The following MUC17 variants were observed in gnomAD, a reference collection of about 807,000 sequenced individuals.
The protein encoded by MUC17 is mucin 17, cell surface associated.
MUC17 carries 190 observed loss-of-function variants against 170.3 expected under a neutral mutation model. That is an observed-to-expected ratio of 1.12 (90% CI 0.99 to 1.26). The LOEUF (loss-of-function observed/expected upper bound fraction) is 1.26, where lower values mean the gene tolerates loss of function less well. MUC17 is among the 50% of genes most tolerant of loss of function. MUC17 has a pLI of 0.00. For missense variants in MUC17, 6,415 were observed against 5,530.0 expected (o/e 1.16, Z -5.08); for synonymous variants, 2,325 against 2,002.5 (o/e 1.16, Z -4.30).
Position 101,040,713 on chromosome 7 carries a change from T to A in MUC17, c.9297T>A (p.Thr3099=). Residue 3099 remains threonine, a synonymous_variant, in exon 3 of 13, where the codon ACT becomes ACA. Transcript: ENST00000306151. ...PAEGTSMPIS[T]YSEGSTPLTG... ...AAGGTACCAGCATGCCAATCTCAAC[T>A]TATAGTGAAGGAAGCACTCCATTAA... The A allele has an allele frequency of 1.9e-6, 3 of 1,613,110 alleles. 1 individual carries two copies. In the South Asian group the frequency reaches 3.3e-5, roughly 18 times the overall value.
chr7:101,031,070 T>C, intron 1 of MUC17, 50 bp from the exon 2 acceptor site: 3 of 1,565,846 alleles, frequency 1.9e-6, no homozygotes, highest in Non-Finnish European at 2.6e-6. Flanking sequence ...TTCAAGAGAA[T>C]GAAGGAAGAT....
At chr7:101,024,778 T>G (rs1026320278) in intron 1 of MUC17, among the ~76,000 whole-genome samples, 6 of 146,492 alleles carry the variant, frequency 4.1e-5, no homozygotes, top group Non-Finnish European at 7.5e-5. Flanking sequence ...CGCCTTGCCC[T>G]GTCGCCCAGG....
Position 101,041,977 on chromosome 7 carries a change from A to G in MUC17, c.10561A>G (p.Asn3521Asp), listed in dbSNP as rs775036015. 2 of 1,613,094 alleles carry G rather than the reference A, an allele frequency of 1.2e-6. No homozygotes were observed. Among genetic ancestry groups the G allele is most frequent in the Non-Finnish European group, 1.7e-6 (2 of 1,179,396 alleles). Residue 3521 changes from asparagine (N) to aspartate (D), a missense_variant, in exon 3 of 13, where the codon AAT becomes GAT. By Grantham distance (23) the Asn-to-Asp change is conservative. Coordinates refer to ENST00000306151, the MANE Select transcript of MUC17 (RefSeq NM_001040105.2). ...TGGTGAAGGAAGCACTCCATTAACA[A>G]ATATGCCTGTCAGCACCACACCGGT... is the stretch of plus-strand genomic sequence containing the variant. Reference protein sequence around the residue: ...TAGEGSTPLTNMPVSTTPVAS... With the variant: ...TAGEGSTPLTDMPVSTTPVAS...
At chr7:101,057,929 A>C in intron 12 of MUC17, 74 bp from the exon 13 acceptor site, 3 of 1,303,386 alleles carry the variant, frequency 2.3e-6, no homozygotes, top group Non-Finnish European at 3.3e-6. Flanking sequence ...TTCCTATCCC[A>C]ATCCTCCTTA....
intron 6 of MUC17, among the ~76,000 whole-genome samples, chr7:101,050,055 C>T (rs922062596): frequency 6.6e-6 from 1 of 152,144 alleles, no homozygotes; most frequent in African/African-American, 2.4e-5. Flanking sequence ...CACGTGAGCC[C>T]AGGAGTCAGA....
chr7:101,044,061 G>C (rs1008350846), intron 3 of MUC17, among the ~76,000 whole-genome samples: 53 of 152,218 alleles, frequency 3.5e-4, no homozygotes, highest in African/African-American at 1.2e-3. Context: ...TCATTGTTCA[G>C]TTCCCACCTA....
rs188270675 is a variant in MUC17 at position 101,037,268 on chromosome 7, C to T, written c.5852C>T (p.Ala1951Val). 1.5e-4 allele frequency: 243 copies of T among 1,610,974 alleles called. 4 individuals carry two copies. The East Asian group carries it at 4.7e-3, about 31-fold the overall frequency. ...SEINTLSTTL[A>V]DTRTPVTTYS... The stretch of plus-strand genomic sequence containing the variant: ...ATCAACACCCTTTCAACAACTCTTG[C>T]TGACACCAGGACACCTGTGACCACT... Residue 1951 changes from alanine to valine, a missense_variant, in exon 3 of 13, where the codon GCT (alanine) becomes GTT (valine). Transcript: ENST00000306151.
rs753789371 is a variant in MUC17, at chr7:101,056,192, A to G, written c.13364-2A>G. On this transcript the variant is annotated splice_acceptor_variant, in intron 11 of 12. Transcript: ENST00000306151. LOFTEE classifies it high-confidence loss of function. ...CCATGGTGCTTTCCATCCCTCCACA[A>G]GATGATGATTCCATCCACCTGGAGT... 2.5e-6 allele frequency: 4 copies of G among 1,613,938 alleles called. No homozygotes were observed. The highest frequency in any genetic ancestry group is 2.2e-5 in the East Asian group (1 of 44,872).
Position 101,034,271 on chromosome 7 carries a change from G to A in MUC17, c.2855G>A (p.Ser952Asn). ...CTTTCAGCAACTCCTGTTGACACCA[G>A]CACACCTGTGACCACTTCTACTGAA... is the stretch of plus-strand genomic sequence containing the variant. The part of the protein sequence containing the change: ...RTLSATPVDT[S>N]TPVTTSTEAT... The change falls in exon 3 of 13, where the codon AGC becomes AAC. Residue 952 changes from serine to asparagine, a missense_variant. Ser to Asn is a conservative substitution (Grantham distance 46). Transcript: ENST00000306151. 2 of 1,608,592 alleles carry A rather than the reference G, an allele frequency of 1.2e-6. No homozygotes were observed. The highest frequency in any genetic ancestry group is 1.7e-6 in the Non-Finnish European group (2 of 1,177,688).
At position 101,042,060 on chromosome 7, in the gene MUC17, T is replaced by A. The variant is rs769373039; in HGVS notation, c.10644T>A (p.Val3548=). 2.5e-6 allele frequency: 4 copies of A among 1,612,520 alleles called. No individual in the cohort carries two copies. In the East Asian group the frequency reaches 6.7e-5, roughly 27 times the overall value. Residue 3548 remains valine, a synonymous_variant, in exon 3 of 13, where the codon GTT becomes GTA. Transcript: ENST00000306151. ...STTPVDSNTF[V]TSSSQASSSP... The stretch of plus-strand genomic sequence containing the variant: ...CTCCTGTTGACTCCAACACTTTTGT[T>A]ACCAGTTCTAGTCAAGCCAGTTCAT...
Position 101,040,416 on chromosome 7 carries a change from C to T in MUC17, c.9000C>T (p.Ala3000=), listed in dbSNP as rs772118968. The T allele has an allele frequency of 1.9e-6, 3 of 1,611,762 alleles. No individual in the cohort carries two copies. In the South Asian group the frequency reaches 3.3e-5, roughly 18 times the overall value. ...TGTCTGTCAGCACCATGCCGGTGGC[C>T]AGTTCTGAGGCTAGCACCCTTTCAA... ...TSMSVSTMPV[A]SSEASTLSRT... is the part of the protein sequence containing the mutation. The change falls in exon 3 of 13, where the codon GCC becomes GCT. Residue 3000 remains alanine (A), a synonymous_variant. Transcript: ENST00000306151.
chr7:101,049,524 C>T, intron 6 of MUC17, 142 bp downstream of exon 6: 1 of 1,181,966 alleles, frequency 8.5e-7, no homozygotes, highest in Non-Finnish European at 1.2e-6. Flanking sequence ...GCTTAAACAA[C>T]AGAAATCTAT....
At position 101,037,967 on chromosome 7, in the gene MUC17, C is replaced by A. The variant is rs200626179; in HGVS notation, c.6551C>A (p.Thr2184Asn). Residue 2184 changes from threonine (T) to asparagine (N), a missense_variant, in exon 3 of 13, where the codon ACT becomes AAT. By Grantham distance (65) the Thr-to-Asn change is moderately conservative. Transcript: ENST00000306151. ...TCTGCAATCAGCACCCTTTCAACAA[C>A]TCCTGTTGACACCAGCACACCTGTG... ...ASSAISTLST[T>N]PVDTSTPVTN... 1 of 1,608,540 alleles carries A rather than the reference C, an allele frequency of 6.2e-7. No individual in the cohort carries two copies. The highest frequency in any genetic ancestry group is 8.5e-7 in the Non-Finnish European group (1 of 1,176,716).
chr7:101,049,464 C>A, intron 6 of MUC17, 82 bp downstream of exon 6: 1 of 1,517,034 alleles, frequency 6.6e-7, no homozygotes, highest in South Asian at 1.3e-5. Context: ...AACTGTGCCC[C>A]CTGCATTACT....
In MUC17 at chr7:101,035,328, C is replaced by T; in HGVS notation, c.3912C>T (p.Asp1304=). ...GCACCCTTTTAACAACTCCTGTTGA[C>T]ACTAAAGGTCCTGTGGTCACTTCTA... ...EASTLLTTPV[D]TKGPVVTSNE... is the part of the protein sequence containing the mutation. The change falls in exon 3 of 13, where the codon GAC becomes GAT. Residue 1304 remains aspartate (D), a synonymous_variant. Coordinates refer to ENST00000306151, the MANE Select transcript of MUC17 (RefSeq NM_001040105.2). 1 of 1,610,614 alleles carries T rather than the reference C, an allele frequency of 6.2e-7. No homozygotes were observed. The highest frequency in any genetic ancestry group is 8.5e-7 in the Non-Finnish European group (1 of 1,177,898).
At position 101,053,065 on chromosome 7, in the gene MUC17, G is replaced by C. The variant is rs560551712; in HGVS notation, c.13183G>C (p.Val4395Leu). The C allele has an allele frequency of 6.2e-7, 1 of 1,614,130 alleles. No homozygotes were observed. Among genetic ancestry groups the C allele is most frequent in the Admixed American group, 1.7e-5 (1 of 60,020 alleles). The change falls in exon 10 of 13, where the codon GTG (valine) becomes CTG (leucine). Residue 4395 changes from valine (V) to leucine (L), a missense_variant. By Grantham distance (32) the Val-to-Leu change is conservative. Coordinates refer to ENST00000306151, the MANE Select transcript of MUC17 (RefSeq NM_001040105.2). ...GTQKSLVYGLVGAGVVLMLII... is the reference protein window; with the variant it reads ...GTQKSLVYGLLGAGVVLMLII... ...CCAGAAGAGTCTGGTGTACGGCCTC[G>C]TGGGGGCAGGGGTCGTGCTGATGCT...
rs760867965 is a variant in MUC17, at chr7:101,036,801, T to C, written c.5385T>C (p.Gly1795=). 3.1e-6 allele frequency: 5 copies of C among 1,605,582 alleles called. No individual in the cohort carries two copies. In the Admixed American group the frequency reaches 8.4e-5, roughly 27 times the overall value. The change falls in exon 3 of 13, where the codon GGT becomes GGC. Residue 1795 remains glycine, a synonymous_variant. Coordinates refer to ENST00000306151, the MANE Select transcript of MUC17 (RefSeq NM_001040105.2). ...EATSSPTTAE[G]TSIPTSTLSE... is the part of the protein sequence containing the mutation. ...CTTCGTCTCCTACAACTGCTGAAGG[T>C]ACCAGCATACCAACCTCGACTCTTA... is the stretch of plus-strand genomic sequence containing the variant.
rs1373989671 is a variant in MUC17 at position 101,042,493 on chromosome 7, A to C, written c.11077A>C (p.Ser3693Arg). 6.2e-7 allele frequency: 1 copy of C among 1,613,868 alleles called. No homozygotes were observed. Among genetic ancestry groups the C allele is most frequent in the Non-Finnish European group, 8.5e-7 (1 of 1,179,984 alleles). Residue 3693 changes from serine (S) to arginine (R), a missense_variant, in exon 3 of 13, where the codon AGC becomes CGC. Coordinates refer to ENST00000306151, the MANE Select transcript of MUC17 (RefSeq NM_001040105.2). ...TMPIWTPSEG[S>R]TPLTTMPVST... Reference sequence around the variant, plus strand: ...GCCAATCTGGACGCCTAGTGAAGGAAGCACTCCATTAACAACTATGCCTGT... The same window carrying C: ...GCCAATCTGGACGCCTAGTGAAGGACGCACTCCATTAACAACTATGCCTGT...
In MUC17 at chr7:101,042,530, G is replaced by A. The variant is rs1343692265; in HGVS notation, c.11114G>A (p.Arg3705His). Residue 3705 changes from arginine (R) to histidine (H), a missense_variant, in exon 3 of 13, where the codon CGT (arginine) becomes CAT (histidine). Physicochemically the swap from Arg to His is conservative, Grantham distance 29. Coordinates refer to ENST00000306151, the MANE Select transcript of MUC17 (RefSeq NM_001040105.2). ...ACAACTATGCCTGTCAGCACCACAC[G>A]TGTGACCAGCTCTGAGGGTAGCACC... ...PLTTMPVSTT[R>H]VTSSEGSTLS... 1.9e-6 allele frequency: 3 copies of A among 1,612,106 alleles called. No homozygotes were observed. Among genetic ancestry groups the A allele is most frequent in the Admixed American group, 1.7e-5 (1 of 59,868 alleles).
Sources: allele counts gnomAD v4.1 joint callset (sites outside exome capture counted in the v4.1 genomes callset), GRCh38; gene constraint gnomAD v4.1.1; transcripts MANE v1.5; gene names NCBI Gene and HGNC (gene_info 2026-07-23, HGNC 2026-07-21).